ATF7IP2: variants seen among roughly 807,000 people sequenced by gnomAD.
The protein encoded by ATF7IP2 is activating transcription factor 7-interacting protein 2.
A neutral mutation model predicts 64.2 loss-of-function variants in ATF7IP2; 42 were observed. That is an observed-to-expected ratio of 0.65 (90% confidence interval 0.51 to 0.85). The LOEUF is 0.85. Ranked by LOEUF, ATF7IP2 falls within the 40% of genes least tolerant of loss-of-function variation. ATF7IP2 has a pLI of 0.00. For missense variants in ATF7IP2, 933 were observed against 784.2 expected (o/e 1.19, Z -2.27); for synonymous variants, 308 against 272.8 (o/e 1.13, Z -1.27).
chr16:10,437,394 A>G (rs2048458394), intron 6 of ATF7IP2, among the ~76,000 whole-genome samples: 1 of 152,178 alleles, frequency 6.6e-6, no homozygotes, highest in African/African-American at 2.4e-5. Flanking sequence ...AATTTTAACA[A>G]TAAGAAAGCC....
Position 10,431,244 on chromosome 16 carries a change from A to G in ATF7IP2, c.624A>G (p.Glu208=), listed in dbSNP as rs1162550730. 1 of 1,614,198 alleles carries G rather than the reference A, an allele frequency of 6.2e-7. No homozygotes were observed. The highest frequency in any genetic ancestry group is 1.7e-5 in the Admixed American group (1 of 60,028). ...ATTTAGAAACAAACTCCAATTCAGA[A>G]TCACATGATAAAAGGCAAAGTGACA... The part of the protein sequence containing the change: ...VFHLETNSNS[E]SHDKRQSDNI... Residue 208 remains glutamate, a synonymous_variant, in exon 5 of 14, where the codon GAA becomes GAG. Transcript: ENST00000562102.
At chr16:10,476,641 T>G (rs1260075603) in intron 12 of ATF7IP2, among the ~76,000 whole-genome samples, 1 of 152,122 alleles carries the variant, frequency 6.6e-6, no homozygotes, top group Non-Finnish European at 1.5e-5. Flanking sequence ...CTATTTTTCC[T>G]GATGTTCTCT....
At position 10,482,311 on chromosome 16, in the gene ATF7IP2, T is replaced by TAATA; in HGVS notation, c.*63_*66dup. The TAATA allele has an allele frequency of 1.6e-6, 2 of 1,280,182 alleles. No individual in the cohort carries two copies. The allele number at this position is 1,280,182 out of a possible 1,614,324, so 79.3% of individuals were successfully genotyped here. A position where few individuals can be genotyped will look rare whatever the true frequency, so the allele number is the denominator to read the frequency against. On this transcript the variant is annotated 3_prime_UTR_variant, in exon 14 of 14. Coordinates refer to ENST00000562102, the MANE Select transcript of ATF7IP2 (RefSeq NM_001393719.1). ...TATTTGTTTGTTTGCAATGTTACTG[T>TAATA]AATACTATTTGCCATTGTAAAAGGC...
At chr16:10,435,089 C>T (rs954222719) in intron 6 of ATF7IP2, among the ~76,000 whole-genome samples, 3 of 152,142 alleles carry the variant, frequency 2.0e-5, no homozygotes, top group African/African-American at 7.2e-5. Context: ...CTGATGTGTA[C>T]ATAACCATCT....
At chr16:10,458,831 C>G (rs180748203) in intron 9 of ATF7IP2, among the ~76,000 whole-genome samples, 1 of 152,262 alleles carries the variant, frequency 6.6e-6, no homozygotes, top group African/African-American at 2.4e-5. Flanking sequence ...ACTAGTAAAC[C>G]AAGTTTAATA....
chr16:10,407,605 AAT>A, intron 1 of ATF7IP2, among the ~76,000 whole-genome samples: 1 of 152,358 alleles, frequency 6.6e-6, no homozygotes, highest in African/African-American at 2.4e-5. Flanking sequence ...AGGAAATCAA[AAT>A]AGTCTCATTT....
At chr16:10,478,115 G>A (rs1176016399) in intron 12 of ATF7IP2, among the ~76,000 whole-genome samples, 4 of 150,788 alleles carry the variant, frequency 2.7e-5, no homozygotes, top group Non-Finnish European at 5.9e-5. Flanking sequence ...TCCCCATCAA[G>A]CTACCAATGA....
At chr16:10,457,963 C>T (rs776388945) in intron 9 of ATF7IP2, among the ~76,000 whole-genome samples, 11 of 152,240 alleles carry the variant, frequency 7.2e-5, no homozygotes, top group Non-Finnish European at 1.5e-4. Flanking sequence ...CTGTCTGCCT[C>T]GGCCTCCCAG....
chr16:10,415,027 G>A (rs776398295), intron 2 of ATF7IP2, among the ~76,000 whole-genome samples: 2 of 152,126 alleles, frequency 1.3e-5, no homozygotes, highest in African/African-American at 4.8e-5. Context: ...TAGAAAAATC[G>A]ATATTGTTAA....
In ATF7IP2 at chr16:10,392,139, C is replaced by T. The variant is rs370908813; in HGVS notation, c.-242+6017C>T. On this transcript the variant is annotated intron_variant, in intron 1 of 13. Transcript: ENST00000562102. ...CAAGATCTCAGCTCACTGCAACCCC[C>T]ACCCCCCAGGTTCAAGTGATTCTCT... Among the ~76,000 whole-genome samples, 19 of 151,052 alleles carry T rather than the reference C, an allele frequency of 1.3e-4. No homozygotes were observed. In the South Asian group the frequency reaches 3.6e-3, roughly 28 times the overall value.
intron 1 of ATF7IP2, among the ~76,000 whole-genome samples, chr16:10,399,973 G>A (rs2047494887): frequency 6.6e-6 from 1 of 152,140 alleles, no homozygotes; most frequent in Admixed American, 6.5e-5. Flanking sequence ...ATTGCCTTCT[G>A]ATTTGGCTCT....
chr16:10,396,541 G>A (rs1159419250), intron 1 of ATF7IP2, among the ~76,000 whole-genome samples: 2 of 151,602 alleles, frequency 1.3e-5, no homozygotes, highest in Non-Finnish European at 2.9e-5. Flanking sequence ...TCTTTTTTTC[G>A]AGATGGAATC....
intron 3 of ATF7IP2, among the ~76,000 whole-genome samples, chr16:10,422,261 T>C (rs1438577297): frequency 6.6e-6 from 1 of 152,232 alleles, no homozygotes; most frequent in Admixed American, 6.5e-5. Context: ...GGCTTAACAA[T>C]GGCCACCATC....
intron 3 of ATF7IP2, among the ~76,000 whole-genome samples, chr16:10,426,715 A>G (rs1329093709): frequency 6.6e-6 from 1 of 152,238 alleles, no homozygotes; most frequent in African/African-American, 2.4e-5. Context: ...CACAAGGAAG[A>G]GAGATCAAAC....
chr16:10,412,010 GTTTTTTTTTTTTTTTTTT>G (rs71133351), intron 1 of ATF7IP2, among the ~76,000 whole-genome samples: 1 of 58,390 alleles, frequency 1.7e-5, no homozygotes, highest in Non-Finnish European at 3.3e-5. Flanking sequence ...ATCTTTTTTT[GTTTTTTTTTTTTTTTTTT>G]TTTTTTTTTT....
intron 1 of ATF7IP2, among the ~76,000 whole-genome samples, chr16:10,403,526 T>G (rs910017857): frequency 6.6e-6 from 1 of 152,102 alleles, no homozygotes; most frequent in Non-Finnish European, 1.5e-5. Flanking sequence ...TGTGCAGAAA[T>G]AAGCATAAAG....
At chr16:10,395,463 C>T (rs936498172) in intron 1 of ATF7IP2, among the ~76,000 whole-genome samples, 2 of 151,682 alleles carry the variant, frequency 1.3e-5, no homozygotes, top group Non-Finnish European at 2.9e-5. Context: ...TATTTGGATA[C>T]CAAAAGCAGA....
intron 3 of ATF7IP2, among the ~76,000 whole-genome samples, chr16:10,423,104 C>T (rs1377178966): frequency 5.3e-5 from 8 of 152,136 alleles, no homozygotes; most frequent in African/African-American, 9.7e-5. Context: ...ATTAGCCAGG[C>T]GTGGTGGCGG....
At chr16:10,464,826 G>A (rs1222200104) in intron 9 of ATF7IP2, among the ~76,000 whole-genome samples, 1 of 150,456 alleles carries the variant, frequency 6.6e-6, no homozygotes, top group Non-Finnish European at 1.5e-5. Context: ...TGTTGCTGCT[G>A]TTGTTGATGT....
Sources: gnomAD v4.1 joint callset for allele counts (sites outside exome capture counted in the v4.1 genomes callset) on GRCh38, gnomAD v4.1.1 for gene constraint, MANE v1.5 for transcripts, NCBI Gene and HGNC (gene_info 2026-07-23, HGNC 2026-07-21) for gene names.